MYO9B: variants seen among roughly 807,000 people sequenced by gnomAD.
The protein encoded by MYO9B is unconventional myosin-IXb.
A neutral mutation model predicts 229.5 loss-of-function variants in MYO9B; 71 were observed. The observed-to-expected ratio is 0.31, with a 90% CI of 0.26 to 0.38. The LOEUF (loss-of-function observed/expected upper bound fraction) is 0.38, where lower values mean the gene tolerates loss of function less well. Among genes scored for constraint, MYO9B ranks in the 10% least tolerant of loss-of-function variants. MYO9B has a pLI of 1.00. For missense variants in MYO9B, 2,255 were observed against 2,920.5 expected (o/e 0.77, Z 5.25); for synonymous variants, 1,185 against 1,235.8 (o/e 0.96, Z 0.86).
chr19:17,126,925 C>A (rs2072127258), intron 2 of MYO9B, among the ~76,000 whole-genome samples: 1 of 73,472 alleles, frequency 1.4e-5, no homozygotes, highest in African/African-American at 4.3e-5. Flanking sequence ...CCACCCCCAC[C>A]CCCCACCCCC....
intron 4 of MYO9B, 106 bp from the exon 5 acceptor site, chr19:17,153,861 T>C: frequency 1.3e-6 from 1 of 793,530 alleles, no homozygotes; most frequent in South Asian, 1.4e-5. Flanking sequence ...TTTAAATTTG[T>C]ACATATTTGA....
intron 24 of MYO9B, among the ~76,000 whole-genome samples, chr19:17,199,068 C>T (rs773782743): frequency 1.3e-4 from 20 of 151,944 alleles, no homozygotes; most frequent in East Asian, 3.9e-4. Context: ...CCAGGCAGGG[C>T]GGTGCATGCC....
At chr19:17,082,662 C>T (rs1179669271) in intron 1 of MYO9B, among the ~76,000 whole-genome samples, 1 of 152,164 alleles carries the variant, frequency 6.6e-6, no homozygotes, top group African/African-American at 2.4e-5. Flanking sequence ...CTTGGGAAGA[C>T]CCCTGGGGTC....
chr19:17,191,104 C>G lies in MYO9B; in HGVS notation c.2696C>G (p.Thr899Ser). 6.2e-7 allele frequency: 1 copy of G among 1,612,322 alleles called. No homozygotes were observed. Among genetic ancestry groups the G allele is most frequent in the Non-Finnish European group, 8.5e-7 (1 of 1,179,072 alleles). The change falls in exon 20 of 40, where the codon ACC becomes AGC. Residue 899 changes from threonine (T) to serine (S), a missense_variant. By Grantham distance (58) the Thr-to-Ser change is moderately conservative. Around this residue, in one of 7 missense-constraint regions of MYO9B, gnomAD observed 68 missense variants for 133.5 expected, o/e 0.51. Coordinates refer to ENST00000682292, the MANE Select transcript of MYO9B (RefSeq NM_004145.4). Reference sequence around the variant, plus strand: ...TCCACCCAAATAACCTAGGATTTCACCGAGCAGTTCCAGGTGCTCCTGCCC... The same window carrying G: ...TCCACCCAAATAACCTAGGATTTCAGCGAGCAGTTCCAGGTGCTCCTGCCC... ...YSAKYTFQDF[T>S]EQFQVLLPKD...
At chr19:17,142,540 A>G (rs1599364931) in intron 2 of MYO9B, among the ~76,000 whole-genome samples, 2 of 152,018 alleles carry the variant, frequency 1.3e-5, no homozygotes, top group South Asian at 2.1e-4. Context: ...GGGACCTTCC[A>G]CATACCCTGC....
intron 14 of MYO9B, among the ~76,000 whole-genome samples, chr19:17,180,113 A>G (rs954218806): frequency 3.3e-5 from 5 of 150,046 alleles, no homozygotes; most frequent in African/African-American, 1.2e-4. Flanking sequence ...CACGCCTGTA[A>G]TCCTAGCTAT....
At chr19:17,167,868 G>A in intron 10 of MYO9B, 75 bp from the exon 11 acceptor site, 2 of 1,515,212 alleles carry the variant, frequency 1.3e-6, no homozygotes, top group Non-Finnish European at 1.8e-6. Context: ...TACTCGACCT[G>A]TATGCAATAT....
rs145562330 is a variant in MYO9B at position 17,079,935 on chromosome 19, C to T, written c.-59+4061C>T. ...CTCTGTCTCCACACCAGCCCACCGC[C>T]GCAGCCCAGAGCCCCGTTCCCTTTC... On this transcript the variant is annotated intron_variant, in intron 1 of 39. Transcript: ENST00000682292. Among the ~76,000 whole-genome samples the T allele has an allele frequency of 1.8e-3, 270 of 152,330 alleles. 1 individual carries two copies. Among genetic ancestry groups the T allele is most frequent in the Middle Eastern group, 0.014 (4 of 294 alleles).
chr19:17,086,163 C>T (rs932375516), intron 1 of MYO9B, among the ~76,000 whole-genome samples: 4 of 152,220 alleles, frequency 2.6e-5, no homozygotes, highest in Non-Finnish European at 5.9e-5. Context: ...TCAAACCACA[C>T]GGGGCTCCCC....
chr19:17,134,377 G>GTTTTTTTTTTTTTTTTTT (rs1568267173), intron 2 of MYO9B, among the ~76,000 whole-genome samples: 1 of 39,726 alleles, frequency 2.5e-5, no homozygotes, highest in African/African-American at 9.5e-5. Flanking sequence ...TTTTCGTTTT[G>GTTTTTTTTTTTTTTTTTT]TTTGTTTTTT....
In MYO9B at chr19:17,102,275, C is replaced by T; in HGVS notation, c.558C>T (p.Ile186=). ...ACGCGGGGAGCATCCTGGTGGCCAT[C>T]AACCCCTTTAAGTTCCTGCCCATCT... The part of the protein sequence containing the change: ...YTYAGSILVA[I]NPFKFLPIYN... Residue 186 remains isoleucine (I), a synonymous_variant, in exon 2 of 40, where the codon ATC becomes ATT. Coordinates refer to ENST00000682292, the MANE Select transcript of MYO9B (RefSeq NM_004145.4). 6.2e-7 allele frequency: 1 copy of T among 1,614,062 alleles called. No individual in the cohort carries two copies. The highest frequency in any genetic ancestry group is 1.1e-5 in the South Asian group (1 of 91,086).
At chr19:17,100,719 C>T (rs931128792) in intron 1 of MYO9B, among the ~76,000 whole-genome samples, 2 of 152,120 alleles carry the variant, frequency 1.3e-5, no homozygotes, top group African/African-American at 4.8e-5. Context: ...CAGGATGCCC[C>T]CAGCCTGGGC....
At chr19:17,142,722 A>G (rs1284100637) in intron 2 of MYO9B, among the ~76,000 whole-genome samples, 2 of 152,166 alleles carry the variant, frequency 1.3e-5, no homozygotes, top group Non-Finnish European at 2.9e-5. Flanking sequence ...TGAAATGTGA[A>G]GAGGTTTTTC....
intron 1 of MYO9B, among the ~76,000 whole-genome samples, chr19:17,099,575 G>A (rs2057724658): frequency 6.6e-6 from 1 of 151,814 alleles, no homozygotes; most frequent in South Asian, 2.1e-4. Context: ...GAGCACTTTG[G>A]AAGCCCGAAG....
Position 17,172,551 on chromosome 19 carries a change from ATCC to A in MYO9B, c.1935+79_1935+81del, listed in dbSNP as rs1248136124. On this transcript the variant is annotated intron_variant, in intron 12 of 39. Coordinates refer to ENST00000682292, the MANE Select transcript of MYO9B (RefSeq NM_004145.4). The surrounding 1 kb of genome is among the most constrained non-coding windows in gnomAD (Gnocchi z 8.2). ...TCAGCCCAGAAGCCCATGTGGGAGG[ATCC>A]TCCTGTGGGCGAGGTTCCAGGGTGC... is the stretch of plus-strand genomic sequence containing the variant. The A allele has an allele frequency of 6.3e-7, 1 of 1,578,156 alleles. No individual in the cohort carries two copies. Among genetic ancestry groups the A allele is most frequent in the Non-Finnish European group, 8.6e-7 (1 of 1,161,324 alleles).
chr19:17,192,843 T>A lies in MYO9B; in HGVS notation c.2909T>A (p.Val970Glu). ...ILLLQSWFRM[V>E]LERRHFLQMK... is the part of the protein sequence containing the mutation. ...CTGCTGCAGAGCTGGTTCCGGATGG[T>A]GCTGGAGCGTCGGCACTTCCTGCAG... The change falls in exon 21 of 40, where the codon GTG becomes GAG. Residue 970 changes from valine (V) to glutamate (E), a missense_variant. Val to Glu is a moderately radical substitution (Grantham distance 121). Transcript: ENST00000682292. 1 of 1,552,640 alleles carries A rather than the reference T, an allele frequency of 6.4e-7. No individual in the cohort carries two copies. The highest frequency in any genetic ancestry group is 1.4e-5 in the African/African-American group (1 of 73,222).
rs188640121 is a variant in MYO9B at position 17,154,031 on chromosome 19, C to T, written c.1063C>T (p.Leu355Phe). The T allele has an allele frequency of 2.0e-4, 318 of 1,613,386 alleles. 1 individual carries two copies. In the Middle Eastern group the frequency reaches 4.6e-3, roughly 23 times the overall value. ...VSEEERQEFQ[L>F]KQPEDYFYLN... The stretch of plus-strand genomic sequence containing the variant: ...CGAGGAAGAGCGCCAAGAATTTCAG[C>T]TCAAGCAGCCTGAAGATTATTTCTA... The change falls in exon 5 of 40, where the codon CTC (leucine) becomes TTC (phenylalanine). Residue 355 changes from leucine (L) to phenylalanine (F), a missense_variant. This residue lies in a region of MYO9B where 386 missense variants were observed against 515.2 expected (regional missense o/e 0.75). Coordinates refer to ENST00000682292, the MANE Select transcript of MYO9B (RefSeq NM_004145.4).
chr19:17,114,924 CTT>C (rs139596465), intron 2 of MYO9B, among the ~76,000 whole-genome samples: 3,377 of 137,584 alleles, frequency 0.025, 53 homozygotes, highest in African/African-American at 0.044. Flanking sequence ...TGCTTTTCCC[CTT>C]TTTTTTTTTT....
In MYO9B at chr19:17,203,153, G is replaced by A. The variant is rs770730334; in HGVS notation, c.4885G>A (p.Glu1629Lys). ...KKRKQERAVQ[E>K]HNGHVFASYQ... ...CCTTCCTCTGGCCTCACAGGTCCAG[G>A]AGCACAACGGGCACGTGTTCGCCAG... is the stretch of plus-strand genomic sequence containing the variant. The change falls in exon 30 of 40, where the codon GAG becomes AAG. Residue 1629 changes from glutamate (E) to lysine (K), a missense_variant. Glu to Lys is a moderately conservative substitution (Grantham distance 56). Around this residue, in one of 7 missense-constraint regions of MYO9B, gnomAD observed 416 missense variants for 605.5 expected, o/e 0.69. Coordinates refer to ENST00000682292, the MANE Select transcript of MYO9B (RefSeq NM_004145.4). 1.3e-6 allele frequency: 2 copies of A among 1,569,782 alleles called. No homozygotes were observed. The highest frequency in any genetic ancestry group is 1.4e-5 in the African/African-American group (1 of 73,730).
Sources: gnomAD v4.1 joint callset for allele counts (sites outside exome capture counted in the v4.1 genomes callset) on GRCh38, gnomAD v4.1.1 for gene constraint, gnomAD v4.1.1 regional missense constraint, Gnocchi (gnomAD v3.1) non-coding constraint, MANE v1.5 for transcripts, NCBI Gene and HGNC (gene_info 2026-07-23, HGNC 2026-07-21) for gene names.